AGBL3: variants seen among roughly 807,000 people sequenced by gnomAD.
The protein encoded by AGBL3 is AGBL carboxypeptidase 3.
AGBL3 carries 68 observed loss-of-function variants against 94.5 expected under a neutral mutation model. That is an observed-to-expected ratio of 0.72 (90% confidence interval 0.59 to 0.88). AGBL3 has a LOEUF of 0.88. Ranked by LOEUF, AGBL3 falls within the 40% of genes least tolerant of loss-of-function variation. The pLI is 0.00. For missense variants in AGBL3, 934 were observed against 1,103.8 expected (o/e 0.85, Z 2.18); for synonymous variants, 354 against 370.7 (o/e 0.95, Z 0.52).
intron 10 of AGBL3, 51 bp from the exon 11 acceptor site, chr7:135,045,748 A>G: frequency 7.1e-7 from 1 of 1,415,664 alleles, no homozygotes; most frequent in South Asian, 1.3e-5. Context: ...AAATAGTTTA[A>G]TCAGGAAATA....
intron 12 of AGBL3, among the ~76,000 whole-genome samples, chr7:135,069,893 T>C (rs1267950442): frequency 3.3e-5 from 5 of 151,998 alleles, no homozygotes; most frequent in South Asian, 4.1e-4. Context: ...CTGAAGGAAA[T>C]AGAGGCACAA....
intron 5 of AGBL3, among the ~76,000 whole-genome samples, chr7:135,028,445 A>C (rs954605774): frequency 5.9e-5 from 9 of 152,220 alleles, no homozygotes; most frequent in Admixed American, 5.2e-4. Flanking sequence ...TTTCATGTTA[A>C]GAAACCACTT....
At chr7:135,077,486 T>C (rs1047229812) in intron 13 of AGBL3, among the ~76,000 whole-genome samples, 3 of 152,086 alleles carry the variant, frequency 2.0e-5, no homozygotes, top group Non-Finnish European at 4.4e-5. Context: ...AATTTTGCCC[T>C]GATGAAAAAC....
Position 135,098,373 on chromosome 7 carries a change from T to C in AGBL3, c.2110+16583T>C, listed in dbSNP as rs147598695. On this transcript the variant is annotated intron_variant, in intron 15 of 16. Transcript: ENST00000436302. ...TCTCTAGATTACTTATAATACCTGATACAATGTGAATGCTATGTAAAAAGT... is the reference window on the plus strand; with the variant it reads ...TCTCTAGATTACTTATAATACCTGACACAATGTGAATGCTATGTAAAAAGT... Among the ~76,000 whole-genome samples, 588 of 152,318 alleles carry C rather than the reference T, an allele frequency of 3.9e-3. 2 individuals carry two copies. Among genetic ancestry groups the C allele is most frequent in the African/African-American group, 0.014 (562 of 41,574 alleles).
At chr7:135,011,897 G>C (rs146027740) in intron 4 of AGBL3, 2 of 152,244 alleles carry the variant, frequency 1.3e-5, no homozygotes, top group African/African-American at 2.4e-5. Flanking sequence ...CTGCAACCTA[G>C]AATTTTTACT....
At chr7:135,028,738 A>G (rs1815413971) in intron 5 of AGBL3, among the ~76,000 whole-genome samples, 1 of 152,230 alleles carries the variant, frequency 6.6e-6, no homozygotes, top group Non-Finnish European at 1.5e-5. Context: ...GCTTTCCAGA[A>G]GGTTTTCAAT....
At chr7:135,074,089 A>G (rs553953502) in intron 12 of AGBL3, among the ~76,000 whole-genome samples, 2 of 152,358 alleles carry the variant, frequency 1.3e-5, no homozygotes, top group South Asian at 4.1e-4. Flanking sequence ...GAAAAGCAAA[A>G]TAAGTGGTAA....
chr7:135,045,034 G>A (rs1354968342), intron 9 of AGBL3, among the ~76,000 whole-genome samples: 2 of 150,230 alleles, frequency 1.3e-5, no homozygotes, highest in Non-Finnish European at 1.5e-5. Flanking sequence ...CCCTACAAAG[G>A]ACATGAACTC....
chr7:135,134,205 T>C (rs1404440841), intron 16 of AGBL3, among the ~76,000 whole-genome samples: 4 of 152,012 alleles, frequency 2.6e-5, no homozygotes, highest in African/African-American at 4.8e-5. Context: ...TTTGGGGAAA[T>C]TGGGTGAAGA....
intron 12 of AGBL3, among the ~76,000 whole-genome samples, chr7:135,074,577 C>T (rs1414112692): frequency 1.3e-5 from 2 of 152,134 alleles, no homozygotes; most frequent in East Asian, 1.9e-4. Flanking sequence ...TCTCCCTTTC[C>T]CTCCATTTGC....
chr7:134,991,329 T>C (rs73456211), intron 3 of AGBL3, among the ~76,000 whole-genome samples: 3,129 of 152,210 alleles, frequency 0.021, 117 homozygotes, highest in African/African-American at 0.07. Context: ...TACCTTTCTC[T>C]GGTTGCTTTC....
chr7:135,031,603 C>A (rs1815750918), intron 5 of AGBL3, among the ~76,000 whole-genome samples: 1 of 152,144 alleles, frequency 6.6e-6, no homozygotes, highest in African/African-American at 2.4e-5. Context: ...TTCTAGCAGG[C>A]AATTAAATTG....
rs956100546 is a variant in AGBL3 at position 135,045,560 on chromosome 7, C to T, written c.1714C>T (p.Pro572Ser). ...TGATTCTCTCTTGGATTATTGTGAT[C>T]CCGACCGGACCAAGGTAAGCAAAGT... Reference protein sequence around the residue: ...FCDSLLDYCDPDRTKYYRCLK... With the variant: ...FCDSLLDYCDSDRTKYYRCLK... Residue 572 changes from proline (P) to serine (S), a missense_variant, in exon 10 of 17, where the codon CCC (proline) becomes TCC (serine). Coordinates refer to ENST00000436302, the MANE Select transcript of AGBL3 (RefSeq NM_178563.4). The T allele has an allele frequency of 3.2e-6, 5 of 1,550,814 alleles. No homozygotes were observed. The highest frequency in any genetic ancestry group is 3.5e-6 in the Non-Finnish European group (4 of 1,146,494).
chr7:135,051,001 T>G lies in AGBL3; in HGVS notation c.1841+5090T>G, dbSNP rs773683848. ...TCTTTTCTTCTCTTCAAATTATTTC[T>G]AATGCTGTCACTACCCACAGAGAAC... is the stretch of plus-strand genomic sequence containing the variant. On this transcript the variant is annotated intron_variant, in intron 11 of 16. Transcript: ENST00000436302. 735 of 428,294 alleles carry G rather than the reference T, an allele frequency of 1.7e-3. 10 individuals are homozygous for G. The highest frequency in any genetic ancestry group is 9.9e-3 in the South Asian group (585 of 58,810). The allele number at this position is 428,294 out of a possible 1,614,324, so 26.5% of individuals were successfully genotyped here.
chr7:135,085,709 T>C (rs1821285111), intron 15 of AGBL3, among the ~76,000 whole-genome samples: 1 of 152,120 alleles, frequency 6.6e-6, no homozygotes, highest in African/African-American at 2.4e-5. Flanking sequence ...GGTCTACATA[T>C]CTGTTTTTAT....
intron 2 of AGBL3, chr7:134,988,235 T>G (rs1809724519): frequency 2.9e-6 from 1 of 341,450 alleles, no homozygotes; most frequent in African/African-American, 2.2e-5. Context: ...CTAAGATTCT[T>G]CTAGGTTTTA....
intron 5 of AGBL3, 26 bp downstream of exon 5, chr7:135,017,185 T>C: frequency 1.4e-6 from 2 of 1,444,198 alleles, no homozygotes; most frequent in Non-Finnish European, 1.9e-6. Flanking sequence ...CACATGTTGC[T>C]GTAAAATATA....
At chr7:135,099,837 A>C (rs1350415604) in intron 15 of AGBL3, 1 of 146,888 alleles carries the variant, frequency 6.8e-6, no homozygotes, top group Non-Finnish European at 1.5e-5. Flanking sequence ...AAATCTAGTT[A>C]GATATTTATT....
chr7:135,093,315 C>T (rs1312919122), intron 15 of AGBL3: 1 of 151,834 alleles, frequency 6.6e-6, no homozygotes, highest in Non-Finnish European at 1.5e-5. Context: ...ATACACACGC[C>T]ACACTATTAG....
Sources: allele counts gnomAD v4.1 joint callset (sites outside exome capture counted in the v4.1 genomes callset), GRCh38; gene constraint gnomAD v4.1.1; transcripts MANE v1.5; gene names NCBI Gene and HGNC (gene_info 2026-07-23, HGNC 2026-07-21).